ASXL1: variants seen among roughly 807,000 people sequenced by gnomAD.
ASXL1 encodes the protein polycomb group protein ASXL1.
ASXL1 carries 65 observed loss-of-function variants against 89.1 expected under a neutral mutation model. The ratio of observed to expected loss-of-function variants is 0.73; its 90% CI spans 0.60 to 0.90. The LOEUF (loss-of-function observed/expected upper bound fraction) is 0.90. ASXL1 is among the 40% of genes least tolerant of loss of function. The probability of loss-of-function intolerance (pLI) is 0.00; values close to 1 mark genes in which losing one functional copy is unlikely to be tolerated. For missense variants in ASXL1, 1,786 were observed against 1,942.9 expected (o/e 0.92, Z 1.52); for synonymous variants, 739 against 746.9 (o/e 0.99, Z 0.17).
At chr20:32,413,982 G>A (rs79246664) in intron 4 of ASXL1, among the ~76,000 whole-genome samples, 4,026 of 152,240 alleles carry the variant, frequency 0.026, 177 homozygotes, top group African/African-American at 0.093. Context: ...TGTTGGTTGG[G>A]CTCAGAATTC....
At chr20:32,375,678 TG>T (rs2048365933) in intron 4 of ASXL1, among the ~76,000 whole-genome samples, 1 of 151,444 alleles carries the variant, frequency 6.6e-6, no homozygotes, top group Non-Finnish European at 1.5e-5. Context: ...TTGTTTTTTT[TG>T]TTTTGTTTTG....
In ASXL1 at chr20:32,426,541, CTTTTTTTTCTTTCTTTTTT is replaced by C. The variant is rs1274289013; in HGVS notation, c.253-1578_253-1560del. On this transcript the variant is annotated intron_variant, in intron 4 of 12. Coordinates refer to ENST00000375687, the MANE Select transcript of ASXL1 (RefSeq NM_015338.6). ...AGGTAAAGATGTAGAAAACTGTTTTCTTTTTTTTCTTTCTTTTTTTTTTTTTTTTTTTTTTTTGAGATGG... is the reference window on the plus strand; with the variant it reads ...AGGTAAAGATGTAGAAAACTGTTTTCTTTTTTTTTTTTTTTTTTGAGATGG... 1.1e-4 allele frequency among the ~76,000 whole-genome samples: 10 copies of C among 92,574 alleles called. No homozygotes were observed. The East Asian group carries it at 1.6e-3, about 15-fold the overall frequency. 60.7% of individuals were successfully genotyped at this position (92,574 alleles called of 152,430 possible). A position where few individuals can be genotyped will look rare whatever the true frequency, so the allele number is the denominator to read the frequency against.
intron 1 of ASXL1, chr20:32,360,342 A>C (rs2048089382): frequency 6.5e-6 from 1 of 153,546 alleles, no homozygotes; most frequent in Admixed American, 6.4e-5. Context: ...TTTTTTTCTG[A>C]TTGAGTCAAA....
chr20:32,363,475 G>A (rs368254107), intron 1 of ASXL1, among the ~76,000 whole-genome samples: 1 of 152,148 alleles, frequency 6.6e-6, no homozygotes, highest in Admixed American at 6.5e-5. Flanking sequence ...GGATGAAGAA[G>A]GTCCAGACGC....
intron 4 of ASXL1, among the ~76,000 whole-genome samples, chr20:32,378,209 G>A (rs910932605): frequency 7.3e-6 from 1 of 136,452 alleles, no homozygotes; most frequent in African/African-American, 3.2e-5. Context: ...AATAGAGATG[G>A]GGCTTTGCCA....
chr20:32,366,515 T>C, intron 2 of ASXL1, 49 bp downstream of exon 2: 1 of 1,613,284 alleles, frequency 6.2e-7, no homozygotes, highest in Non-Finnish European at 8.5e-7. Flanking sequence ...AGGATATGTG[T>C]CTTTCTGTAG....
At chr20:32,377,516 G>A (rs2048406068) in intron 4 of ASXL1, among the ~76,000 whole-genome samples, 1 of 152,048 alleles carries the variant, frequency 6.6e-6, no homozygotes, top group African/African-American at 2.4e-5. Flanking sequence ...GACATGAAGT[G>A]TTTTGGATTT....
chr20:32,358,879 G>A (rs1420247637), intron 1 of ASXL1, 47 bp downstream of exon 1: 46 of 1,453,674 alleles, frequency 3.2e-5, no homozygotes, highest in Non-Finnish European at 3.8e-5. Context: ...GGGGTGGGGG[G>A]GGCTCGCCGC....
intron 4 of ASXL1, among the ~76,000 whole-genome samples, chr20:32,370,577 C>G (rs987554600): frequency 6.6e-6 from 1 of 152,146 alleles, no homozygotes; most frequent in South Asian, 2.1e-4. Flanking sequence ...TTCGTTCTTC[C>G]ATAGTGGGTT....
At chr20:32,413,703 T>G (rs1026221828) in intron 4 of ASXL1, among the ~76,000 whole-genome samples, 17 of 152,340 alleles carry the variant, frequency 1.1e-4, no homozygotes, top group African/African-American at 4.1e-4. Context: ...AACTGGGGCC[T>G]GTTGGCTACT....
intron 4 of ASXL1, among the ~76,000 whole-genome samples, chr20:32,369,654 T>C (rs2048264959): frequency 6.6e-6 from 1 of 152,076 alleles, no homozygotes; most frequent in Non-Finnish European, 1.5e-5. Flanking sequence ...TCATCTTTTC[T>C]TGTCTATATC....
rs1192589790 is a variant in ASXL1, at chr20:32,358,781, G to A, written c.6G>A (p.Lys2=). The part of the protein sequence containing the change: M[K]DKQKKKKERT... ...CGCCGCCGCCGGGGAGAAGGATGAAGGACAAACAGAAGAAGAAGAAGGAGC... is the reference window on the plus strand; with the variant it reads ...CGCCGCCGCCGGGGAGAAGGATGAAAGACAAACAGAAGAAGAAGAAGGAGC... Residue 2 remains lysine (K), a synonymous_variant, in exon 1 of 13, where the codon AAG becomes AAA. Transcript: ENST00000375687. 1.6e-5 allele frequency: 24 copies of A among 1,495,874 alleles called. No homozygotes were observed. The highest frequency in any genetic ancestry group is 2.1e-5 in the Non-Finnish European group (24 of 1,119,030). The allele number at this position is 1,495,874 out of a possible 1,614,324, so 92.7% of individuals were successfully genotyped here.
chr20:32,436,426 T>C lies in ASXL1; in HGVS notation c.3714T>C (p.Phe1238=), dbSNP rs1264900842. 1.9e-6 allele frequency: 3 copies of C among 1,613,880 alleles called. No individual in the cohort carries two copies. The highest frequency in any genetic ancestry group is 2.5e-6 in the Non-Finnish European group (3 of 1,180,032). Residue 1238 remains phenylalanine, a synonymous_variant, in exon 13 of 13, where the codon TTT becomes TTC. Transcript: ENST00000375687. ...EMDSKEQFSS[F]SCEDQKEVRA... ...ATTCCAAAGAGCAGTTCTCTTCCTTTAGTTGTGAAGATCAGAAGGAAGTCC... is the reference window on the plus strand; with the variant it reads ...ATTCCAAAGAGCAGTTCTCTTCCTTCAGTTGTGAAGATCAGAAGGAAGTCC...
intron 4 of ASXL1, among the ~76,000 whole-genome samples, chr20:32,403,332 G>C (rs935655272): frequency 1.3e-5 from 2 of 152,198 alleles, no homozygotes; most frequent in Non-Finnish European, 2.9e-5. Flanking sequence ...AAATCAGGTA[G>C]TGTTATTCCT....
At chr20:32,363,001 TCAAA>T (rs2048145879) in intron 1 of ASXL1, among the ~76,000 whole-genome samples, 1 of 151,920 alleles carries the variant, frequency 6.6e-6, no homozygotes, top group African/African-American at 2.4e-5. Context: ...AGTTCTTACA[TCAAA>T]CATTTTTTTC....
At position 32,436,281 on chromosome 20, in the gene ASXL1, G is replaced by A. The variant is rs779117478; in HGVS notation, c.3569G>A (p.Arg1190Lys). 20 of 1,614,074 alleles carry A rather than the reference G, an allele frequency of 1.2e-5. No individual in the cohort carries two copies. The highest frequency in any genetic ancestry group is 3.3e-5 in the South Asian group (3 of 91,092). ...DSCETGTGLA[R>K]IEATQAPGAP... Reference sequence around the variant, plus strand: ...TGTGAAACAGGCACTGGTCTTGCCAGGATTGAGGCCACCCAGGCTCCTGGA... The same window carrying A: ...TGTGAAACAGGCACTGGTCTTGCCAAGATTGAGGCCACCCAGGCTCCTGGA... The change falls in exon 13 of 13, where the codon AGG becomes AAG. Residue 1190 changes from arginine to lysine, a missense_variant. Coordinates refer to ENST00000375687, the MANE Select transcript of ASXL1 (RefSeq NM_015338.6).
intron 4 of ASXL1, among the ~76,000 whole-genome samples, chr20:32,403,154 C>G (rs914248261): frequency 1.3e-5 from 2 of 152,120 alleles, no homozygotes; most frequent in Non-Finnish European, 2.9e-5. Flanking sequence ...AATGATTATT[C>G]TTTATTTATT....
At chr20:32,372,430 G>C (rs2048313598) in intron 4 of ASXL1, 1 of 1,086,510 alleles carries the variant, frequency 9.2e-7, no homozygotes, top group Non-Finnish European at 1.1e-6. Context: ...ATGGATTAAT[G>C]GTTTGCTTGG....
In ASXL1 at chr20:32,435,216, C is replaced by T; in HGVS notation, c.2504C>T (p.Pro835Leu). ...KGTGQALDSH[P>L]TMKDPVNVTP... The stretch of plus-strand genomic sequence containing the variant: ...ACTGGCCAAGCTCTTGACAGTCATC[C>T]CACTATGAAGGATCCTGTAAATGTG... Residue 835 changes from proline to leucine, a missense_variant, in exon 13 of 13, where the codon CCC (proline) becomes CTC (leucine). Around this residue, in one of 3 missense-constraint regions of ASXL1, gnomAD observed 1,418 missense variants for 1,427.8 expected, o/e 0.99. Transcript: ENST00000375687. The T allele has an allele frequency of 1.2e-6, 2 of 1,613,996 alleles. No homozygotes were observed. The highest frequency in any genetic ancestry group is 2.2e-5 in the East Asian group (1 of 44,890).
Sources: gnomAD v4.1 joint callset for allele counts (sites outside exome capture counted in the v4.1 genomes callset) on GRCh38, gnomAD v4.1.1 for gene constraint, gnomAD v4.1.1 regional missense constraint, MANE v1.5 for transcripts, NCBI Gene and HGNC (gene_info 2026-07-23, HGNC 2026-07-21) for gene names.